NALCN: variants seen among roughly 807,000 people sequenced by gnomAD.
NALCN encodes the protein sodium leak channel, non-selective, also known as sodium leak channel NALCN.
A neutral mutation model predicts 225.3 loss-of-function variants in NALCN; 111 were observed. That is an observed-to-expected ratio of 0.49 (90% CI 0.42 to 0.58). NALCN has a LOEUF of 0.58. NALCN is among the 20% of genes least tolerant of loss of function. NALCN has a pLI of 0.00. For synonymous variants in NALCN, 764 were observed against 769.0 expected, an observed-to-expected ratio of 0.99 and a Z score of 0.11; for missense variants, 1,378 against 2,202.4, an observed-to-expected ratio of 0.63 and a Z score of 7.49.
At chr13:101,249,149 A>C (rs550990396) in intron 11 of NALCN, among the ~76,000 whole-genome samples, 1 of 152,234 alleles carries the variant, frequency 6.6e-6, no homozygotes, top group East Asian at 1.9e-4. Flanking sequence ...AGGATTATAC[A>C]TTCAGTTTCA....
intron 14 of NALCN, among the ~76,000 whole-genome samples, chr13:101,176,872 G>T (rs149924992): frequency 6.6e-6 from 1 of 152,184 alleles, no homozygotes; most frequent in Non-Finnish European, 1.5e-5. Flanking sequence ...GGCCTCCAGC[G>T]TTGTTCTAGA....
intron 15 of NALCN, among the ~76,000 whole-genome samples, chr13:101,151,739 T>C (rs1001295401): frequency 6.6e-6 from 1 of 152,216 alleles, no homozygotes; most frequent in Non-Finnish European, 1.5e-5. Flanking sequence ...CAAGGGAGTT[T>C]CTCTTGCTAA....
intron 34 of NALCN, among the ~76,000 whole-genome samples, chr13:101,077,352 T>C (rs2139485211): frequency 6.6e-6 from 1 of 151,876 alleles, no homozygotes; most frequent in Non-Finnish European, 1.5e-5. Context: ...CAGGCAGAGG[T>C]TGGAACAATT....
At chr13:101,101,960 T>C (rs1259265852) in intron 26 of NALCN, among the ~76,000 whole-genome samples, 1 of 152,174 alleles carries the variant, frequency 6.6e-6, no homozygotes, top group Non-Finnish European at 1.5e-5. Flanking sequence ...ATTCCAGCTG[T>C]GTGAAGAGTC....
chr13:101,244,686 G>A (rs566383126), intron 11 of NALCN, among the ~76,000 whole-genome samples: 18 of 152,306 alleles, frequency 1.2e-4, no homozygotes, highest in Non-Finnish European at 2.4e-4. Context: ...TCCTGCCATA[G>A]AGAAGAACTG....
chr13:101,346,087 C>CTCTCTCTCTATATATATATATATA lies in NALCN; in HGVS notation c.645-668_645-667insTATATATATATATATAGAGAGAGA. ...TCTCTCTCTCTCTCTCTCTCTCTCT[C>CTCTCTCTCTATATATATATATATA]TATATATATATATATATATATATAT... On this transcript the variant is annotated intron_variant, in intron 6 of 43. Coordinates refer to ENST00000251127, the MANE Select transcript of NALCN (RefSeq NM_052867.4). 1.6e-3 allele frequency among the ~76,000 whole-genome samples: 113 copies of CTCTCTCTCTATATATATATATATA among 70,928 alleles called. 1 individual carries two copies. The highest frequency in any genetic ancestry group is 2.4e-3 in the Non-Finnish European group (90 of 37,530). The allele number at this position is 70,928 out of a possible 152,430, so 46.5% of individuals were successfully genotyped here.
intron 13 of NALCN, among the ~76,000 whole-genome samples, chr13:101,194,238 G>C (rs1322709741): frequency 6.6e-6 from 1 of 152,032 alleles, no homozygotes; most frequent in Non-Finnish European, 1.5e-5. Flanking sequence ...TTTCATTTCA[G>C]AGTCTCGGGA....
intron 9 of NALCN, among the ~76,000 whole-genome samples, chr13:101,291,381 T>C (rs1192517786): frequency 6.6e-6 from 1 of 152,162 alleles, no homozygotes; most frequent in East Asian, 1.9e-4. Context: ...CATTTGAGGA[T>C]TTGTGATGTC....
At chr13:101,333,314 C>T (rs887787185) in intron 7 of NALCN, among the ~76,000 whole-genome samples, 3 of 152,010 alleles carry the variant, frequency 2.0e-5, no homozygotes, top group African/African-American at 4.8e-5. Flanking sequence ...TATTCTAATA[C>T]GTTTATTTTA....
intron 7 of NALCN, among the ~76,000 whole-genome samples, chr13:101,301,418 A>G (rs182541031): frequency 1.3e-5 from 2 of 152,300 alleles, no homozygotes; most frequent in African/African-American, 4.8e-5. Flanking sequence ...ATTTTCCATT[A>G]GTTGTCTTAA....
chr13:101,221,237 G>A, intron 13 of NALCN, among the ~76,000 whole-genome samples: 1 of 151,746 alleles, frequency 6.6e-6, no homozygotes, highest in East Asian at 1.9e-4. Context: ...TCCTGCCTCA[G>A]CCTCCTGAGT....
intron 43 of NALCN, 127 bp from the exon 44 acceptor site, chr13:101,055,615 T>TAAAC (rs2031131319): frequency 1.5e-6 from 1 of 674,610 alleles, no homozygotes; most frequent in African/African-American, 1.8e-5. Context: ...AGATGCTAAG[T>TAAAC]AAACATCCTT....
intron 3 of NALCN, among the ~76,000 whole-genome samples, chr13:101,387,258 G>T (rs1394867384): frequency 7.4e-6 from 1 of 134,486 alleles, no homozygotes. Context: ...AAAAAAACAG[G>T]TTAGCATTTC....
At chr13:101,081,675 CAG>C (rs1420815572) in intron 33 of NALCN, 29 bp from the exon 34 acceptor site, 30 of 1,612,920 alleles carry the variant, frequency 1.9e-5, no homozygotes, top group Non-Finnish European at 2.2e-5. Context: ...AGAAAATAAA[CAG>C]AGAGAGTGTT....
intron 6 of NALCN, among the ~76,000 whole-genome samples, chr13:101,366,923 C>G (rs573506512): frequency 9.2e-5 from 14 of 151,776 alleles, no homozygotes; most frequent in Non-Finnish European, 1.9e-4. Context: ...CTCCTCATTC[C>G]CTTGCAGCTC....
chr13:101,126,927 C>A (rs890119141), intron 17 of NALCN, among the ~76,000 whole-genome samples: 5 of 152,192 alleles, frequency 3.3e-5, no homozygotes, highest in African/African-American at 1.2e-4. Context: ...GCTCTTTAGA[C>A]ACCTAAGAAC....
rs74385738 is a variant in NALCN, at chr13:101,305,699, T to C, written c.800-13333A>G. On this transcript the variant is annotated intron_variant, in intron 7 of 43. Transcript: ENST00000251127. Reference sequence around the variant, plus strand: ...ATTCTGTACAATGTAGGTTATACCATTGTTTATCTCATTTTATTGGAAAAA... The same window carrying C: ...ATTCTGTACAATGTAGGTTATACCACTGTTTATCTCATTTTATTGGAAAAA... Among the ~76,000 whole-genome samples the C allele has an allele frequency of 2.5e-4, 38 of 152,346 alleles. No individual in the cohort carries two copies. In the East Asian group the frequency reaches 5.2e-3, roughly 21 times the overall value.
chr13:101,088,168 C>T (rs557168332), intron 30 of NALCN, among the ~76,000 whole-genome samples: 4 of 152,150 alleles, frequency 2.6e-5, no homozygotes, highest in East Asian at 1.9e-4. Context: ...CAAGTAGAGT[C>T]GGGGCCCAAA....
chr13:101,124,734 A>G, intron 17 of NALCN, 53 bp from the exon 18 acceptor site: 3 of 1,396,574 alleles, frequency 2.1e-6, no homozygotes, highest in Non-Finnish European at 1.0e-6. Context: ...GAAATAATAT[A>G]CTGTCAAATC....
Sources: allele counts gnomAD v4.1 joint callset (sites outside exome capture counted in the v4.1 genomes callset), GRCh38; gene constraint gnomAD v4.1.1; transcripts MANE v1.5; gene names NCBI Gene and HGNC (gene_info 2026-07-23, HGNC 2026-07-21).